The following PRRT4 variants were observed in gnomAD, a reference collection of about 807,000 sequenced individuals.
PRRT4 encodes proline rich transmembrane protein 4, also known as proline-rich transmembrane protein 4.
Under a neutral mutation model 55.6 loss-of-function variants are expected in PRRT4, and 59 were observed. The ratio of observed to expected loss-of-function variants is 1.06; its 90% CI spans 0.86 to 1.32. The LOEUF (loss-of-function observed/expected upper bound fraction) is 1.32. Ranked by LOEUF, PRRT4 falls within the 40% of genes most tolerant of loss-of-function variation. PRRT4 has a pLI of 0.00. For synonymous variants in PRRT4, 606 were observed against 601.8 expected (o/e 1.01, Z -0.10); for missense variants, 1,217 against 1,222.0 (o/e 1.00, Z 0.06).
intron 4 of PRRT4, among the ~76,000 whole-genome samples, chr7:128,354,130 G>A (rs1797060266): frequency 6.6e-6 from 1 of 152,170 alleles, no homozygotes; most frequent in Non-Finnish European, 1.5e-5. Context: ...AGACAGATAT[G>A]GAATGTGAGA....
chr7:128,359,577 T>C (rs1457050933), exon 2 of PRRT4: 6 of 1,499,872 alleles, frequency 4.0e-6, no homozygotes, highest in African/African-American at 1.4e-5. Context: ...GGCCCATCGC[T>C]GGGCCCAGAG....
At position 128,351,796 on chromosome 7, in the gene PRRT4, C is replaced by T. The variant is rs1796980528; in HGVS notation, c.1760G>A (p.Gly587Asp). 4 of 1,419,302 alleles carry T rather than the reference C, an allele frequency of 2.8e-6. No homozygotes were observed. The highest frequency in any genetic ancestry group is 1.5e-5 in the South Asian group (1 of 66,680). The allele number at this position is 1,419,302 out of a possible 1,614,324, so 87.9% of individuals were successfully genotyped here. Residue 587 changes from glycine (G) to aspartate (D), a missense_variant, in exon 5 of 5, where the codon GGC (glycine) becomes GAC (aspartate). Physicochemically the swap from Gly to Asp is moderately conservative, Grantham distance 94. Coordinates refer to ENST00000535159, the Ensembl canonical transcript of PRRT4. ...CCAGGGCCCTTCCAGGCCGGATTGG[C>T]CGCCGTAGCCCAGGGCGTGCAGCAC...
At chr7:128,351,414 G>C in exon 5 of PRRT4, 1 of 1,531,730 alleles carries the variant, frequency 6.5e-7, no homozygotes, top group East Asian at 2.5e-5. Flanking sequence ...CGGTGTAATC[G>C]CTGCAGGGAG....
chr7:128,351,361 A>G (rs1796961024), exon 5 of PRRT4: 4 of 1,546,974 alleles, frequency 2.6e-6, no homozygotes, highest in Non-Finnish European at 3.5e-6. Context: ...GGCCTCCTCG[A>G]TGCTGCGTCG....
At position 128,351,439 on chromosome 7, in the gene PRRT4, G is replaced by C. The variant is rs773454660; in HGVS notation, c.2117C>G (p.Pro706Arg). 128 of 1,525,306 alleles carry C rather than the reference G, an allele frequency of 8.4e-5. 1 individual carries two copies. In the South Asian group the frequency reaches 1.0e-3, roughly 12 times the overall value. 94.5% of individuals were successfully genotyped at this position (1,525,306 alleles called of 1,614,324 possible). ...GCTGCAGGGAGAGGAAGCCGGGGAC[G>C]GGGCCGGGTTGGCCGCCGCGCCTTC... Residue 706 changes from proline to arginine, a missense_variant, in exon 5 of 5, where the codon CCG (proline) becomes CGG (arginine). Transcript: ENST00000535159.
rs1463949388 is a variant in PRRT4 at position 128,351,016 on chromosome 7, G to A, written c.2540C>T (p.Pro847Leu). 1.7e-5 allele frequency: 27 copies of A among 1,549,964 alleles called. No homozygotes were observed. Among genetic ancestry groups the A allele is most frequent in the African/African-American group, 4.1e-5 (3 of 73,056 alleles). ...CAGGGCCTGGTAGGATCCTGAGGCC[G>A]GGAGGCTGGGGCTGCTTCCTGAGGG... is the stretch of plus-strand genomic sequence containing the variant. Residue 847 changes from proline (P) to leucine (L), a missense_variant, in exon 5 of 5, where the codon CCG becomes CTG. Coordinates refer to ENST00000535159, the Ensembl canonical transcript of PRRT4.
At position 128,358,741 on chromosome 7, in the gene PRRT4, G is replaced by A. The variant is rs1797168434; in HGVS notation, c.817C>T (p.Pro273Ser). 5 of 1,551,700 alleles carry A rather than the reference G, an allele frequency of 3.2e-6. No homozygotes were observed. The highest frequency in any genetic ancestry group is 4.4e-6 in the Non-Finnish European group (5 of 1,146,982). The change falls in exon 4 of 5, where the codon CCA becomes TCA. Residue 273 changes from proline to serine, a missense_variant. Physicochemically the swap from Pro to Ser is moderately conservative, Grantham distance 74. Coordinates refer to ENST00000535159, the Ensembl canonical transcript of PRRT4. The surrounding 1 kb of genome is among the most constrained non-coding windows in gnomAD (Gnocchi z 4.4). ...GAAGCAGCTGGGTCCAGAGGACTTG[G>A]GCTGGAGAGCTTCCTCTCCAGGGAG...
chr7:128,351,622 G>A (rs757449755), exon 5 of PRRT4: 16 of 1,512,490 alleles, frequency 1.1e-5, no homozygotes, highest in South Asian at 2.5e-5. Context: ...CAGCGGAGCC[G>A]CGTGGCCCGG....
chr7:128,357,232 ACACACT>A (rs1797130936), intron 4 of PRRT4, among the ~76,000 whole-genome samples: 1 of 121,538 alleles, frequency 8.2e-6, no homozygotes, highest in Non-Finnish European at 1.8e-5. Flanking sequence ...ACACACACAC[ACACACT>A]CTCTCTCTCT....
chr7:128,360,345 G>A (rs980359279), intron 1 of PRRT4, among the ~76,000 whole-genome samples: 1 of 152,216 alleles, frequency 6.6e-6, no homozygotes, highest in Non-Finnish European at 1.5e-5. Context: ...AGTAGCAAAA[G>A]GGATGGACTT....
At chr7:128,360,716 T>C (rs754283044) in intron 1 of PRRT4, among the ~76,000 whole-genome samples, 2 of 149,816 alleles carry the variant, frequency 1.3e-5, no homozygotes, top group Non-Finnish European at 3.0e-5. Context: ...CCTAGGACCC[T>C]TGAAGTATTC....
chr7:128,360,034 G>A (rs1409630824), exon 2 of PRRT4: 7 of 1,298,066 alleles, frequency 5.4e-6, no homozygotes, highest in South Asian at 2.7e-5. Context: ...CAGGGACTCA[G>A]TTGTTCAGCA....
At chr7:128,359,114 T>C (rs1193740250) in intron 3 of PRRT4, 35 bp downstream of exon 4, 7 of 1,541,862 alleles carry the variant, frequency 4.5e-6, no homozygotes, top group Middle Eastern at 1.7e-4. Context: ...ACGTAGAGTG[T>C]TCCACAATAG....
exon 2 of PRRT4, chr7:128,359,555 T>C (rs1234893743): frequency 4.0e-6 from 6 of 1,492,092 alleles, no homozygotes; most frequent in South Asian, 1.4e-5. Flanking sequence ...CCTGGGCTGA[T>C]AGGGGGCAGT....
At chr7:128,352,588 G>A (rs1239128318) in exon 5 of PRRT4, 1 of 1,544,188 alleles carries the variant, frequency 6.5e-7, no homozygotes, top group South Asian at 1.2e-5. Flanking sequence ...CACGCTGCAG[G>A]ACCCTGGCCC....
rs558203220 is a variant in PRRT4 at position 128,359,148 on chromosome 7, C to A, written c.757+1G>T. Reference sequence around the variant, plus strand: ...AGTTTATTGCAATGAAATAAACTCACCCAGAGAACCCGAAACTCCAGAGGC... The same window carrying A: ...AGTTTATTGCAATGAAATAAACTCAACCAGAGAACCCGAAACTCCAGAGGC... On this transcript the variant is annotated splice_donor_variant, in intron 3 of 4. Coordinates refer to ENST00000535159, the Ensembl canonical transcript of PRRT4. LOFTEE classifies it high-confidence loss of function. 1 of 1,551,602 alleles carries A rather than the reference C, an allele frequency of 6.4e-7. No individual in the cohort carries two copies. The highest frequency in any genetic ancestry group is 1.4e-5 in the African/African-American group (1 of 73,158).
exon 5 of PRRT4, chr7:128,352,389 G>C: frequency 1.3e-6 from 2 of 1,524,472 alleles, no homozygotes; most frequent in Non-Finnish European, 8.8e-7. Context: ...GGCACCGCCA[G>C]GGCAAGAGGG....
exon 5 of PRRT4, chr7:128,352,208 G>C (rs1235624606): frequency 6.6e-7 from 1 of 1,525,832 alleles, no homozygotes; most frequent in Admixed American, 2.0e-5. Context: ...AGGCAGGCCA[G>C]CCCCAGGCCG....
exon 5 of PRRT4, chr7:128,352,318 C>T (rs1399597183): frequency 1.3e-6 from 2 of 1,542,088 alleles, no homozygotes; most frequent in Non-Finnish European, 1.7e-6. Flanking sequence ...CGGGAAGGCC[C>T]GCGTGGTCCC....
Sources: allele counts gnomAD v4.1 joint callset (sites outside exome capture counted in the v4.1 genomes callset), GRCh38; gene constraint gnomAD v4.1.1; non-coding constraint Gnocchi (gnomAD v3.1); transcripts MANE v1.5; gene names NCBI Gene and HGNC (gene_info 2026-07-23, HGNC 2026-07-21).